The following ARID1B variants were observed in gnomAD, a reference collection of about 807,000 sequenced individuals.
ARID1B encodes the protein AT-rich interactive domain-containing protein 1B.
ARID1B carries 30 observed loss-of-function variants against 212.3 expected under a neutral mutation model. The ratio of observed to expected loss-of-function variants is 0.14; its 90% CI spans 0.11 to 0.19. The LOEUF is 0.19. ARID1B is among the 10% of genes least tolerant of loss of function. ARID1B has a pLI of 1.00. For missense variants in ARID1B, 2,891 were observed against 3,204.0 expected (o/e 0.90, Z 2.36); for synonymous variants, 1,402 against 1,301.7 (o/e 1.08, Z -1.66).
chr6:157,044,079 T>C (rs1782066804), intron 4 of ARID1B, among the ~76,000 whole-genome samples: 1 of 152,184 alleles, frequency 6.6e-6, no homozygotes, highest in African/African-American at 2.4e-5. Flanking sequence ...CAGAGAAAAA[T>C]CCAAGAAGAG....
Position 157,161,431 on chromosome 6 carries a change from GTATA to G in ARID1B, c.3090-5589_3090-5586del, listed in dbSNP as rs199731974. Among the ~76,000 whole-genome samples the G allele has an allele frequency of 6.6e-4, 92 of 139,270 alleles. 2 individuals are homozygous for G. Among genetic ancestry groups the G allele is most frequent in the Middle Eastern group, 3.6e-3 (1 of 276 alleles). The allele number at this position is 139,270 out of a possible 152,430, so 91.4% of individuals were successfully genotyped here. On this transcript the variant is annotated intron_variant, in intron 8 of 19. Transcript: ENST00000636930. ...TATTTTCTGTTTTGATTGTGTGTGT[GTATA>G]TATATATATATATATATATTTTGGC...
chr6:157,201,189 T>C lies in ARID1B; in HGVS notation c.4964T>C (p.Ile1655Thr). Reference sequence around the variant, plus strand: ...TCGTCCTCAGCCTCCATGCAGCCCATCACACGCCCACCACAGCCGTCCTAC... The same window carrying C: ...TCGTCCTCAGCCTCCATGCAGCCCACCACACGCCCACCACAGCCGTCCTAC... The part of the protein sequence containing the change: ...YMSSSASMQP[I>T]TRPPQPSYQT... The change falls in exon 18 of 20, where the codon ATC becomes ACC. Residue 1655 changes from isoleucine (I) to threonine (T), a missense_variant. By Grantham distance (89) the Ile-to-Thr change is moderately conservative. Around this residue, in one of 7 missense-constraint regions of ARID1B, gnomAD observed 666 missense variants for 873.5 expected, o/e 0.76. Transcript: ENST00000636930. This position sits in a 1 kb window ranked among gnomAD's most constrained non-coding sequence, Gnocchi z 5.2. 6.2e-7 allele frequency: 1 copy of C among 1,613,822 alleles called. No individual in the cohort carries two copies. Among genetic ancestry groups the C allele is most frequent in the Non-Finnish European group, 8.5e-7 (1 of 1,179,830 alleles).
At chr6:156,806,554 C>T (rs560540472) in intron 1 of ARID1B, among the ~76,000 whole-genome samples, 2 of 152,316 alleles carry the variant, frequency 1.3e-5, no homozygotes, top group African/African-American at 2.4e-5. Context: ...TTCCAAAGTG[C>T]TTTTCTTATC....
intron 4 of ARID1B, among the ~76,000 whole-genome samples, chr6:156,981,931 G>A (rs1456003802): frequency 6.6e-6 from 1 of 151,856 alleles, no homozygotes; most frequent in Middle Eastern, 3.2e-3. Flanking sequence ...TTTTTCTTAA[G>A]AGACATCCCT....
chr6:157,181,502 A>G (rs1792531007), intron 12 of ARID1B, among the ~76,000 whole-genome samples: 1 of 152,206 alleles, frequency 6.6e-6, no homozygotes. Context: ...GTTCATAGTA[A>G]ATACTCAGAA....
intron 5 of ARID1B, among the ~76,000 whole-genome samples, chr6:157,097,055 T>C (rs763191298): frequency 4.6e-5 from 7 of 152,172 alleles, no homozygotes; most frequent in South Asian, 2.1e-4. Context: ...TTCAGAATAG[T>C]AAGTGGTTTT....
intron 4 of ARID1B, among the ~76,000 whole-genome samples, chr6:157,018,616 G>A (rs1431895957): frequency 1.3e-5 from 2 of 152,034 alleles, no homozygotes; most frequent in African/African-American, 2.4e-5. Context: ...CTTACTCTTC[G>A]TTTACTAATC....
intron 2 of ARID1B, among the ~76,000 whole-genome samples, chr6:156,884,815 A>G (rs1326854170): frequency 6.6e-6 from 1 of 152,164 alleles, no homozygotes; most frequent in Non-Finnish European, 1.5e-5. Context: ...ATTGTGAGTG[A>G]TTATTGAATG....
chr6:156,778,835 C>G lies in ARID1B; in HGVS notation c.1155C>G (p.Ser385Arg), dbSNP rs2114987296. 2.1e-6 allele frequency: 3 copies of G among 1,431,858 alleles called. No individual in the cohort carries two copies. Among genetic ancestry groups the G allele is most frequent in the South Asian group, 2.9e-5 (2 of 68,056 alleles). 88.7% of individuals were successfully genotyped at this position (1,431,858 alleles called of 1,614,324 possible). ...NSQCNHYPGYSRPGAGGGGGG... is the reference protein window; with the variant it reads ...NSQCNHYPGYRRPGAGGGGGG... ...AGTGCAACCATTATCCGGGCTACAG[C>G]CGGCCCGGCGCGGGCGGCGGCGGCG... The change falls in exon 1 of 20, where the codon AGC (serine) becomes AGG (arginine). Residue 385 changes from serine (S) to arginine (R), a missense_variant. Around this residue, in one of 7 missense-constraint regions of ARID1B, gnomAD observed 1,643 missense variants for 1,544.0 expected, o/e 1.06. Coordinates refer to ENST00000636930, the MANE Select transcript of ARID1B (RefSeq NM_001374828.1).
rs1356989491 is a variant in ARID1B at position 157,094,407 on chromosome 6, T to C, written c.2491+9502T>C. On this transcript the variant is annotated intron_variant, in intron 5 of 19. Coordinates refer to ENST00000636930, the MANE Select transcript of ARID1B (RefSeq NM_001374828.1). The surrounding 1 kb of genome is among the most constrained non-coding windows in gnomAD (Gnocchi z 4.3). ...TCTCACTCTGTCTTCCAGGCTAGAG[T>C]ACAGTGGCACGATCTCCACTCACTA... Among the ~76,000 whole-genome samples the C allele has an allele frequency of 6.6e-6, 1 of 151,974 alleles. No homozygotes were observed. The highest frequency in any genetic ancestry group is 6.6e-5 in the Admixed American group (1 of 15,258).
intron 4 of ARID1B, among the ~76,000 whole-genome samples, chr6:157,038,960 G>A (rs2128512578): frequency 6.6e-6 from 1 of 151,894 alleles, no homozygotes; most frequent in South Asian, 2.1e-4. Flanking sequence ...CTGGAGTGCA[G>A]CGGCGCGATC....
At chr6:156,791,643 A>G (rs1459441772) in intron 1 of ARID1B, among the ~76,000 whole-genome samples, 2 of 152,222 alleles carry the variant, frequency 1.3e-5, no homozygotes, top group Non-Finnish European at 2.9e-5. Context: ...GAGGTAATGC[A>G]AGGAAATTGG....
chr6:157,200,820 G>C lies in ARID1B; in HGVS notation c.4595G>C (p.Gly1532Ala). 1 of 1,614,102 alleles carries C rather than the reference G, an allele frequency of 6.2e-7. No individual in the cohort carries two copies. The highest frequency in any genetic ancestry group is 8.5e-7 in the Non-Finnish European group (1 of 1,180,012). The change falls in exon 18 of 20, where the codon GGC (glycine) becomes GCC (alanine). Residue 1532 changes from glycine to alanine, a missense_variant. Coordinates refer to ENST00000636930, the MANE Select transcript of ARID1B (RefSeq NM_001374828.1). The surrounding 1 kb of genome is among the most constrained non-coding windows in gnomAD (Gnocchi z 4.3). ...CAGGAGATGTACAACCAGTATGGAGGCTCCTACTCGGGCCCGGACCGCAGG... is the reference window on the plus strand; with the variant it reads ...CAGGAGATGTACAACCAGTATGGAGCCTCCTACTCGGGCCCGGACCGCAGG... Reference protein sequence around the residue: ...QQQEMYNQYGGSYSGPDRRPI... With the variant: ...QQQEMYNQYGASYSGPDRRPI...
At chr6:156,849,395 A>G (rs1784433024) in intron 2 of ARID1B, among the ~76,000 whole-genome samples, 1 of 152,210 alleles carries the variant, frequency 6.6e-6, no homozygotes, top group Non-Finnish European at 1.5e-5. Context: ...AATTTGGTAA[A>G]GTGAGGGATA....
At chr6:156,979,875 A>G (rs1263850957) in intron 4 of ARID1B, among the ~76,000 whole-genome samples, 1 of 150,950 alleles carries the variant, frequency 6.6e-6, no homozygotes, top group Non-Finnish European at 1.5e-5. Flanking sequence ...CTTTTTTAAA[A>G]TTATTTTTAT....
At chr6:157,029,177 A>G (rs1780867628) in intron 4 of ARID1B, among the ~76,000 whole-genome samples, 1 of 152,222 alleles carries the variant, frequency 6.6e-6, no homozygotes, top group South Asian at 2.1e-4. Flanking sequence ...TATGTATTCA[A>G]TATAGCAAAA....
At position 156,970,345 on chromosome 6, in the gene ARID1B, A is replaced by G. The variant is rs554239974; in HGVS notation, c.2247+34769A>G. ...TGATCCACCTGCCTCGGCCTCCCAA[A>G]GTGCTGGGATTACAGGCATGAGCCA... On this transcript the variant is annotated intron_variant, in intron 4 of 19. Transcript: ENST00000636930. 5.3e-5 allele frequency among the ~76,000 whole-genome samples: 8 copies of G among 152,214 alleles called. No homozygotes were observed. In the South Asian group the frequency reaches 1.7e-3, roughly 32 times the overall value.
At chr6:157,186,822 A>G (rs1020796005) in intron 13 of ARID1B, among the ~76,000 whole-genome samples, 2 of 152,226 alleles carry the variant, frequency 1.3e-5, no homozygotes, top group Admixed American at 6.5e-5. Context: ...TGAACCAGCT[A>G]AAATCCTAAG....
At chr6:156,792,798 G>A (rs998851889) in intron 1 of ARID1B, among the ~76,000 whole-genome samples, 17 of 152,222 alleles carry the variant, frequency 1.1e-4, no homozygotes, top group African/African-American at 4.1e-4. Context: ...TACAGGCGCT[G>A]TGGGAGCTGT....
Sources: allele counts gnomAD v4.1 joint callset (sites outside exome capture counted in the v4.1 genomes callset), GRCh38; gene constraint gnomAD v4.1.1; regional missense constraint gnomAD v4.1.1; non-coding constraint Gnocchi (gnomAD v3.1); transcripts MANE v1.5; gene names NCBI Gene and HGNC (gene_info 2026-07-23, HGNC 2026-07-21).